The following ULK4 variants were observed in gnomAD, a reference collection of about 807,000 sequenced individuals.
The protein encoded by ULK4 is unc-51 like kinase 4, also known as inactive serine/threonine-protein kinase ULK4.
Under a neutral mutation model 160.6 loss-of-function variants are expected in ULK4, and 133 were observed. The ratio of observed to expected loss-of-function variants is 0.83; its 90% CI spans 0.72 to 0.96. The LOEUF is 0.96. ULK4 is among the 40% of genes least tolerant of loss of function. The probability of loss-of-function intolerance (pLI) is 0.00; values close to 1 mark genes in which losing one functional copy is unlikely to be tolerated. For synonymous variants in ULK4, 534 were observed against 539.8 expected (o/e 0.99, Z 0.15); for missense variants, 1,580 against 1,499.5 (o/e 1.05, Z -0.89).
chr3:41,864,255 C>G (rs1246953466), intron 17 of ULK4, among the ~76,000 whole-genome samples: 1 of 152,142 alleles, frequency 6.6e-6, no homozygotes. Flanking sequence ...CTCACAATTG[C>G]TATGTTCTCC....
At chr3:41,862,012 A>G (rs1408943387) in intron 17 of ULK4, among the ~76,000 whole-genome samples, 2 of 151,882 alleles carry the variant, frequency 1.3e-5, no homozygotes, top group Non-Finnish European at 2.9e-5. Flanking sequence ...GGGTTTCACC[A>G]TGTTGCCCAG....
intron 29 of ULK4, among the ~76,000 whole-genome samples, chr3:41,675,621 A>T (rs1449801636): frequency 6.6e-6 from 1 of 152,052 alleles, no homozygotes; most frequent in African/African-American, 2.4e-5. Context: ...CAAAAAAAAG[A>T]TCATCCTGGA....
Position 41,811,519 on chromosome 3 carries a change from T to C in ULK4, c.1848+7904A>G, listed in dbSNP as rs548930641. ...TTTCCTTTTCCTTCTAATCCTTGTA[T>C]TGGAAAGAAAACAGTATGGAAATTT... On this transcript the variant is annotated intron_variant, in intron 19 of 36. Coordinates refer to ENST00000301831, the MANE Select transcript of ULK4 (RefSeq NM_017886.4). Among the ~76,000 whole-genome samples, 6 of 152,318 alleles carry C rather than the reference T, an allele frequency of 3.9e-5. No individual in the cohort carries two copies. The East Asian group carries it at 7.7e-4, about 20-fold the overall frequency.
chr3:41,258,402 T>A (rs538188704), intron 35 of ULK4: 2 of 152,268 alleles, frequency 1.3e-5, no homozygotes, highest in South Asian at 4.1e-4. Context: ...TTGGTGAACT[T>A]ATCCTGGCTG....
chr3:41,680,561 T>G (rs900909315), intron 29 of ULK4, among the ~76,000 whole-genome samples: 2 of 152,212 alleles, frequency 1.3e-5, no homozygotes, highest in Non-Finnish European at 2.9e-5. Context: ...TTCTTTAATG[T>G]GAACCTAATA....
intron 32 of ULK4, among the ~76,000 whole-genome samples, chr3:41,495,140 G>A (rs879743933): frequency 3.3e-5 from 5 of 152,246 alleles, no homozygotes; most frequent in East Asian, 3.9e-4. Flanking sequence ...CTAAGCCAAA[G>A]GAACAAAGCT....
chr3:41,721,303 A>T (rs1355153267), intron 22 of ULK4, among the ~76,000 whole-genome samples: 5 of 74,608 alleles, frequency 6.7e-5, no homozygotes, highest in Non-Finnish European at 9.2e-5. Context: ...AACCATGAGT[A>T]TGTGTTACCT....
chr3:41,843,119 G>A (rs538092314), intron 17 of ULK4, among the ~76,000 whole-genome samples: 1 of 152,182 alleles, frequency 6.6e-6, no homozygotes, highest in African/African-American at 2.4e-5. Context: ...CTAGTACTAG[G>A]TTAAAAAGTA....
Position 41,800,179 on chromosome 3 carries a change from G to C in ULK4, c.1963C>G (p.Leu655Val). ...GAATCAGCAGTGGAGTGTCTGAATA[G>C]GTACCACAAAATGGGTCCTATTTCT... ...TGEIGPILWYLFRHSTADSLR... is the reference protein window; with the variant it reads ...TGEIGPILWYVFRHSTADSLR... Residue 655 changes from leucine (L) to valine (V), a missense_variant, in exon 20 of 37, where the codon CTA becomes GTA. Transcript: ENST00000301831. The C allele has an allele frequency of 1.2e-6, 2 of 1,613,652 alleles. No individual in the cohort carries two copies. The highest frequency in any genetic ancestry group is 1.7e-6 in the Non-Finnish European group (2 of 1,179,870).
chr3:41,279,917 CAT>C (rs1344849432), intron 35 of ULK4, among the ~76,000 whole-genome samples: 1 of 152,112 alleles, frequency 6.6e-6, no homozygotes, highest in East Asian at 1.9e-4. Context: ...CAGAGACACA[CAT>C]AGACTCAAAA....
At chr3:41,712,340 T>C (rs1450026276) in intron 25 of ULK4, among the ~76,000 whole-genome samples, 1 of 152,160 alleles carries the variant, frequency 6.6e-6, no homozygotes, top group Non-Finnish European at 1.5e-5. Context: ...ACACTAACCC[T>C]GGCTGCTATC....
intron 32 of ULK4, among the ~76,000 whole-genome samples, chr3:41,538,174 A>G (rs1436776416): frequency 6.6e-6 from 1 of 152,230 alleles, no homozygotes. Flanking sequence ...TGCTTTAATC[A>G]GTCATATAAT....
At position 41,507,178 on chromosome 3, in the gene ULK4, CAAAAA is replaced by C. The variant is rs149739568; in HGVS notation, c.3227-43930_3227-43926del. Among the ~76,000 whole-genome samples the C allele has an allele frequency of 1.9e-3, 153 of 82,110 alleles. 1 individual carries two copies. Among genetic ancestry groups the C allele is most frequent in the Middle Eastern group, 9.3e-3 (1 of 108 alleles). The allele number at this position is 82,110 out of a possible 152,430, so 53.9% of individuals were successfully genotyped here. ...TATACATAATACTAATAACCAGGAGCAAAAAAAAAAAAAAAAAAAAAAGTCAGTGT... is the reference window on the plus strand; with the variant it reads ...TATACATAATACTAATAACCAGGAGCAAAAAAAAAAAAAAAAAGTCAGTGT... On this transcript the variant is annotated intron_variant, in intron 32 of 36. Transcript: ENST00000301831.
At chr3:41,859,566 G>T in intron 17 of ULK4, 1 of 537,282 alleles carries the variant, frequency 1.9e-6, no homozygotes, top group Non-Finnish European at 3.8e-6. Context: ...TCATCACAGC[G>T]AAAGGCACCA....
At chr3:41,391,604 G>A (rs1008312251) in intron 35 of ULK4, among the ~76,000 whole-genome samples, 5 of 151,706 alleles carry the variant, frequency 3.3e-5, no homozygotes, top group Admixed American at 3.3e-4. Flanking sequence ...TAAAAGAATG[G>A]CTGCAGAATT....
chr3:41,918,235 T>G (rs1699040880), intron 7 of ULK4, among the ~76,000 whole-genome samples: 1 of 152,144 alleles, frequency 6.6e-6, no homozygotes, highest in Admixed American at 6.5e-5. Context: ...ATGCACAAAA[T>G]AGTTTTTAAA....
At chr3:41,554,553 G>T (rs2087211865) in intron 32 of ULK4, among the ~76,000 whole-genome samples, 1 of 152,072 alleles carries the variant, frequency 6.6e-6, no homozygotes, top group South Asian at 2.1e-4. Context: ...AGGCTGGGAG[G>T]GTAAGTGTTG....
At chr3:41,953,306 T>TA (rs1447473585) in intron 2 of ULK4, among the ~76,000 whole-genome samples, 12 of 91,810 alleles carry the variant, frequency 1.3e-4, no homozygotes, top group Admixed American at 5.0e-4. Flanking sequence ...ATATATATAT[T>TA]TTTTTTTTTT....
In ULK4 at chr3:41,771,719, C is replaced by A. The variant is rs149628592; in HGVS notation, c.2194-17231G>T. On this transcript the variant is annotated intron_variant, in intron 21 of 36. Coordinates refer to ENST00000301831, the MANE Select transcript of ULK4 (RefSeq NM_017886.4). ...CAAAGAAAAAACGACTGAAACTTCC[C>A]CAGAGATCCTCGAAAAATTCAAAAG... Among the ~76,000 whole-genome samples, 6 of 152,170 alleles carry A rather than the reference C, an allele frequency of 3.9e-5. No individual in the cohort carries two copies. In the East Asian group the frequency reaches 1.2e-3, roughly 29 times the overall value.
Sources: gnomAD v4.1 joint callset for allele counts (sites outside exome capture counted in the v4.1 genomes callset) on GRCh38, gnomAD v4.1.1 for gene constraint, MANE v1.5 for transcripts, NCBI Gene and HGNC (gene_info 2026-07-23, HGNC 2026-07-21) for gene names.